Variants in MAGI2 observed in about 807,000 individuals in gnomAD.
MAGI2 encodes membrane-associated guanylate kinase, WW and PDZ domain-containing protein 2.
In MAGI2, 35 loss-of-function variants were observed where a neutral mutation model predicts 133.3. The observed-to-expected ratio is 0.26, with a 90% CI of 0.20 to 0.35. The LOEUF (loss-of-function observed/expected upper bound fraction) is 0.35, where lower values mean the gene tolerates loss of function less well. Ranked by LOEUF, MAGI2 falls within the 10% of genes least tolerant of loss-of-function variation. The pLI is 1.00. For missense variants in MAGI2, 1,636 were observed against 1,863.4 expected, an observed-to-expected ratio of 0.88 and a Z score of 2.25; for synonymous variants, 729 against 710.6, an observed-to-expected ratio of 1.03 and a Z score of -0.41.
At chr7:78,189,599 C>G (rs1828018146) in intron 12 of MAGI2, among the ~76,000 whole-genome samples, 1 of 152,114 alleles carries the variant, frequency 6.6e-6, no homozygotes, top group South Asian at 2.1e-4. Context: ...TTATAATAAC[C>G]AAAGTTCAAT....
chr7:78,900,949 T>G (rs749787627), intron 2 of MAGI2, among the ~76,000 whole-genome samples: 3 of 152,160 alleles, frequency 2.0e-5, no homozygotes, highest in Non-Finnish European at 4.4e-5. Context: ...GTTCATTGAT[T>G]AAAACTGCAA....
chr7:79,105,268 G>A (rs1002535421), intron 1 of MAGI2, among the ~76,000 whole-genome samples: 2 of 152,150 alleles, frequency 1.3e-5, no homozygotes, highest in African/African-American at 4.8e-5. Context: ...GAAAAATCCT[G>A]TATTTAAAGA....
intron 1 of MAGI2, among the ~76,000 whole-genome samples, chr7:79,153,945 A>G (rs1010834235): frequency 6.6e-6 from 1 of 152,204 alleles, no homozygotes; most frequent in African/African-American, 2.4e-5. Context: ...AAGAAATATA[A>G]AAGAGTAATT....
chr7:78,321,627 G>T lies in MAGI2; in HGVS notation c.1408+22151C>A, dbSNP rs1788012738. The stretch of plus-strand genomic sequence containing the variant: ...CTTATATAAAAATTAACTCAAGATG[G>T]ATTGAAGACTTAAATGTAAGACCTA... On this transcript the variant is annotated intron_variant, in intron 9 of 21. Coordinates refer to ENST00000354212, the MANE Select transcript of MAGI2 (RefSeq NM_012301.4). 1.3e-5 allele frequency among the ~76,000 whole-genome samples: 2 copies of T among 152,146 alleles called. 1 individual carries two copies. The highest frequency in any genetic ancestry group is 2.9e-5 in the Non-Finnish European group (2 of 68,036).
chr7:78,929,491 C>T (rs188275810), intron 2 of MAGI2, among the ~76,000 whole-genome samples: 84 of 152,124 alleles, frequency 5.5e-4, no homozygotes, highest in African/African-American at 1.9e-3. Flanking sequence ...TAAAGTCAAA[C>T]GTCAGCAGGA....
rs551573927 is a variant in MAGI2 at position 79,170,409 on chromosome 7, C to A, written c.302-163203G>T. On this transcript the variant is annotated intron_variant, in intron 1 of 21. Transcript: ENST00000354212. ...CAAGTTGGTCTCAAACTTCTAGCCT[C>A]AAGTGATCCTCCTGCCTCCACCTCC... 4.1e-4 allele frequency among the ~76,000 whole-genome samples: 62 copies of A among 152,030 alleles called. 4 individuals are homozygous for A. In the South Asian group the frequency reaches 0.013, roughly 31 times the overall value.
chr7:78,886,673 A>G (rs1796296307), intron 2 of MAGI2, among the ~76,000 whole-genome samples: 2 of 152,132 alleles, frequency 1.3e-5, no homozygotes, highest in Non-Finnish European at 2.9e-5. Context: ...TTTCTGTGTG[A>G]CTTTTATAAA....
chr7:79,137,494 T>TTGTAG (rs896935811), intron 1 of MAGI2, among the ~76,000 whole-genome samples: 2 of 149,600 alleles, frequency 1.3e-5, no homozygotes, highest in Admixed American at 1.3e-4. Flanking sequence ...GTCGCCTAGT[T>TTGTAG]TGTAGTGTAG....
chr7:78,308,972 C>T (rs1476673571), intron 9 of MAGI2, among the ~76,000 whole-genome samples: 1 of 151,908 alleles, frequency 6.6e-6, no homozygotes, highest in Non-Finnish European at 1.5e-5. Flanking sequence ...AATGATTATT[C>T]AAAATCACAA....
intron 2 of MAGI2, among the ~76,000 whole-genome samples, chr7:78,678,296 A>G (rs906476439): frequency 4.6e-5 from 7 of 152,094 alleles, no homozygotes; most frequent in Admixed American, 1.3e-4. Flanking sequence ...CCTGCCTTCA[A>G]TACTTATGCC....
chr7:79,201,080 C>CAG (rs1554403243), intron 1 of MAGI2, among the ~76,000 whole-genome samples: 1 of 151,838 alleles, frequency 6.6e-6, no homozygotes, highest in Admixed American at 6.6e-5. Context: ...ATATCCTAAG[C>CAG]AGAAATTGGC....
intron 5 of MAGI2, 100 bp from the exon 6 acceptor site, chr7:78,489,940 T>C: frequency 3.7e-6 from 3 of 801,944 alleles, no homozygotes; most frequent in Middle Eastern, 2.4e-4. Flanking sequence ...AAAATTGCAA[T>C]CGATACACTT....
intron 1 of MAGI2, among the ~76,000 whole-genome samples, chr7:79,051,234 A>G (rs1326936939): frequency 6.6e-6 from 1 of 152,126 alleles, no homozygotes; most frequent in Non-Finnish European, 1.5e-5. Flanking sequence ...TTCTTCTCCA[A>G]ATCACCCAAC....
rs748033087 is a variant in MAGI2 at position 79,453,358 on chromosome 7, G to C, written c.-38C>G. On this transcript the variant is annotated 5_prime_UTR_variant, in exon 1 of 22. Transcript: ENST00000354212. ...AGTCGCCTCAGTTCCTGGGCTCCTT[G>C]GGGTTAGGGGGGCTGGTGGTGAGAG... 13 of 1,556,004 alleles carry C rather than the reference G, an allele frequency of 8.4e-6. No individual in the cohort carries two copies. The highest frequency in any genetic ancestry group is 1.7e-4 in the Middle Eastern group (1 of 5,756).
At chr7:78,490,295 G>C (rs1793482580) in intron 5 of MAGI2, among the ~76,000 whole-genome samples, 1 of 152,058 alleles carries the variant, frequency 6.6e-6, no homozygotes, top group East Asian at 1.9e-4. Flanking sequence ...GTACAAAAGT[G>C]ATGCAGATTA....
At chr7:79,336,437 C>T (rs1235598412) in intron 1 of MAGI2, among the ~76,000 whole-genome samples, 2 of 151,920 alleles carry the variant, frequency 1.3e-5, no homozygotes, top group Non-Finnish European at 2.9e-5. Flanking sequence ...GAATTAAATA[C>T]TCTTATAATT....
chr7:79,103,834 G>C (rs1193480181), intron 1 of MAGI2, among the ~76,000 whole-genome samples: 2 of 151,462 alleles, frequency 1.3e-5, no homozygotes, highest in Non-Finnish European at 2.9e-5. Flanking sequence ...CGAGTAGCTG[G>C]GACTACAGGC....
intron 2 of MAGI2, among the ~76,000 whole-genome samples, chr7:78,838,129 A>G (rs1791815199): frequency 1.3e-5 from 2 of 152,154 alleles, no homozygotes; most frequent in Non-Finnish European, 2.9e-5. Context: ...ACATTCTTAT[A>G]GGAACTTGTT....
At chr7:78,102,749 C>T (rs1273081938) in intron 20 of MAGI2, among the ~76,000 whole-genome samples, 1 of 152,186 alleles carries the variant, frequency 6.6e-6, no homozygotes, top group African/African-American at 2.4e-5. Flanking sequence ...TTACTTTTTA[C>T]TTTTCATTAA....
Sources: allele counts gnomAD v4.1 joint callset (sites outside exome capture counted in the v4.1 genomes callset), GRCh38; gene constraint gnomAD v4.1.1; transcripts MANE v1.5; gene names NCBI Gene and HGNC (gene_info 2026-07-23, HGNC 2026-07-21).